Variants in SAMD12 observed in about 807,000 individuals in gnomAD.
SAMD12 encodes sterile alpha motif domain containing 12.
In SAMD12, 9 loss-of-function variants were observed where a neutral mutation model predicts 15.0. The ratio of observed to expected loss-of-function variants is 0.60; its 90% CI spans 0.36 to 1.05. The LOEUF (loss-of-function observed/expected upper bound fraction) is 1.05, where lower values mean the gene tolerates loss of function less well. Ranked by LOEUF, SAMD12 falls within the 50% of genes least tolerant of loss-of-function variation. The pLI, the probability that SAMD12 is intolerant of heterozygous loss-of-function variation, is 0.01. For missense variants in SAMD12, 230 were observed against 234.2 expected (o/e 0.98, Z 0.12); for synonymous variants, 86 against 90.1 (o/e 0.96, Z 0.25).
intron 4 of SAMD12, among the ~76,000 whole-genome samples, chr8:118,279,017 T>C (rs1813540004): frequency 6.6e-6 from 1 of 152,196 alleles, no homozygotes; most frequent in Non-Finnish European, 1.5e-5. Context: ...GCTCTGCTAT[T>C]AAAAATGAAA....
At chr8:118,135,775 T>G in the SAMD12 span, among the ~76,000 whole-genome samples, 2 of 152,064 alleles carry the variant, frequency 1.3e-5, no homozygotes, top group Non-Finnish European at 2.9e-5. Context: ...ACTCCTGGAC[T>G]TAAGCAATGG....
rs1813104274 is a variant in SAMD12 at position 118,262,582 on chromosome 8, G to A, written c.434-64850C>T. Among the ~76,000 whole-genome samples the A allele has an allele frequency of 3.3e-5, 5 of 152,092 alleles. No individual in the cohort carries two copies. In the South Asian group the frequency reaches 1.0e-3, roughly 31 times the overall value. On this transcript the variant is annotated intron_variant, in intron 4 of 4. Transcript: ENST00000409003. The stretch of plus-strand genomic sequence containing the variant: ...CGAGCAATTCTTCAGTTAACAACAA[G>A]AAAATGAGGTGGCGGCACAGACAAC...
intron 4 of SAMD12, among the ~76,000 whole-genome samples, chr8:118,285,842 G>A (rs1813956421): frequency 1.3e-5 from 2 of 152,192 alleles, no homozygotes; most frequent in South Asian, 4.1e-4. Flanking sequence ...ATAAAAGTCT[G>A]ACCCTGTGAG....
chr8:118,379,047 C>T lies in SAMD12; in HGVS notation c.*370G>A, dbSNP rs1274105725. Reference sequence around the variant, plus strand: ...TACATTCATGTATAGTAATACATATCTAAAATGTTTTTCTCCCACTAACCG... The same window carrying T: ...TACATTCATGTATAGTAATACATATTTAAAATGTTTTTCTCCCACTAACCG... On this transcript the variant is annotated 3_prime_UTR_variant, in exon 4 of 4. Transcript: ENST00000314727. 5 of 1,034,260 alleles carry T rather than the reference C, an allele frequency of 4.8e-6. No homozygotes were observed. Among genetic ancestry groups the T allele is most frequent in the Non-Finnish European group, 5.8e-6 (5 of 857,552 alleles). The allele number at this position is 1,034,260 out of a possible 1,614,324, so 64.1% of individuals were successfully genotyped here. A position where few individuals can be genotyped will look rare whatever the true frequency, so the allele number is the denominator to read the frequency against.
chr8:118,430,505 G>A (rs1014863034), intron 3 of SAMD12, among the ~76,000 whole-genome samples: 3 of 152,016 alleles, frequency 2.0e-5, no homozygotes, highest in Non-Finnish European at 4.4e-5. Flanking sequence ...TGGGACTACA[G>A]GTGTATGCCA....
intron 2 of SAMD12, among the ~76,000 whole-genome samples, chr8:118,530,587 G>A (rs1825658416): frequency 6.6e-6 from 1 of 152,018 alleles, no homozygotes. Context: ...TTCCCTATAA[G>A]CTCTGTATAT....
intron 2 of SAMD12, among the ~76,000 whole-genome samples, chr8:118,576,108 G>C (rs1339841291): frequency 3.3e-5 from 5 of 151,956 alleles, no homozygotes; most frequent in African/African-American, 1.2e-4. Context: ...GAACTTCAAT[G>C]GTTTCCCACA....
At chr8:118,606,105 A>G (rs936976126) in intron 1 of SAMD12, among the ~76,000 whole-genome samples, 1 of 152,116 alleles carries the variant, frequency 6.6e-6, no homozygotes, top group East Asian at 1.9e-4. Context: ...AACGAAAGGA[A>G]CTTAAAACTC....
chr8:118,151,619 G>A, the SAMD12 span, among the ~76,000 whole-genome samples: 1 of 151,986 alleles, frequency 6.6e-6, no homozygotes, highest in Non-Finnish European at 1.5e-5. Flanking sequence ...ACAAGGTCAG[G>A]AGATCGAGAC....
intron 2 of SAMD12, among the ~76,000 whole-genome samples, chr8:118,502,827 C>A (rs1824823154): frequency 6.6e-6 from 1 of 152,168 alleles, no homozygotes; most frequent in Non-Finnish European, 1.5e-5. Context: ...TAGCAAGGTT[C>A]TCTCAAACGA....
the SAMD12 span, among the ~76,000 whole-genome samples, chr8:118,149,722 C>T: frequency 6.6e-6 from 1 of 151,936 alleles, no homozygotes; most frequent in Non-Finnish European, 1.5e-5. Flanking sequence ...GCATTTATGC[C>T]CATGATCCGT....
the SAMD12 span, among the ~76,000 whole-genome samples, chr8:118,178,467 A>T: frequency 3.3e-5 from 5 of 151,946 alleles, no homozygotes; most frequent in African/African-American, 1.2e-4. Context: ...TTTTTAAATT[A>T]AAAAAAATTG....
chr8:118,486,167 C>T (rs1181214178), intron 2 of SAMD12, among the ~76,000 whole-genome samples: 2 of 152,244 alleles, frequency 1.3e-5, no homozygotes, highest in East Asian at 3.9e-4. Context: ...GTAATCCCAG[C>T]ACTTTGGGAG....
intron 2 of SAMD12, among the ~76,000 whole-genome samples, chr8:118,576,903 T>C (rs1242019573): frequency 1.3e-5 from 2 of 152,226 alleles, no homozygotes; most frequent in Non-Finnish European, 2.9e-5. Flanking sequence ...GGATAACTTC[T>C]GGACCTCCCA....
chr8:118,435,465 A>G (rs1396942768), intron 3 of SAMD12, among the ~76,000 whole-genome samples: 1 of 152,084 alleles, frequency 6.6e-6, no homozygotes, highest in Non-Finnish European at 1.5e-5. Context: ...TCCCTTGCAG[A>G]TGAGGGGGGA....
intron 2 of SAMD12, among the ~76,000 whole-genome samples, chr8:118,534,449 CTG>C (rs2131130743): frequency 6.6e-6 from 1 of 152,190 alleles, no homozygotes; most frequent in South Asian, 2.1e-4. Context: ...AGGAGTATCT[CTG>C]TGGTGTTCTC....
At chr8:118,352,590 G>C (rs1424193920) in intron 4 of SAMD12, among the ~76,000 whole-genome samples, 1 of 152,136 alleles carries the variant, frequency 6.6e-6, no homozygotes, top group Non-Finnish European at 1.5e-5. Context: ...ATTTAACAGA[G>C]ACCAAATGTA....
At chr8:118,444,446 C>T (rs16891037) in intron 2 of SAMD12, among the ~76,000 whole-genome samples, 5,048 of 152,132 alleles carry the variant, frequency 0.033, 265 homozygotes, top group African/African-American at 0.11. Flanking sequence ...GAATTTCAGA[C>T]GCTTTTCCTT....
chr8:118,463,161 A>C (rs114375364), intron 2 of SAMD12, among the ~76,000 whole-genome samples: 2,009 of 150,854 alleles, frequency 0.013, 17 homozygotes, highest in African/African-American at 0.027. Context: ...TAGAATCCTC[A>C]ACTGGTGTGG....
Sources: allele counts gnomAD v4.1 joint callset (sites outside exome capture counted in the v4.1 genomes callset), GRCh38; gene constraint gnomAD v4.1.1; transcripts MANE v1.5; gene names NCBI Gene and HGNC (gene_info 2026-07-23, HGNC 2026-07-21).